PGPEP1: variants seen among roughly 807,000 people sequenced by gnomAD.
The protein encoded by PGPEP1 is pyroglutamyl-peptidase 1.
PGPEP1 carries 15 observed loss-of-function variants against 24.1 expected under a neutral mutation model. That is an observed-to-expected ratio of 0.62 (90% CI 0.42 to 0.96). The LOEUF is 0.96. Among genes scored for constraint, PGPEP1 ranks in the 40% least tolerant of loss-of-function variants. The probability of loss-of-function intolerance (pLI) is 0.00; values close to 1 mark genes in which losing one functional copy is unlikely to be tolerated. For synonymous variants in PGPEP1, 122 were observed against 116.4 expected (o/e 1.05, Z -0.31); for missense variants, 242 against 273.4 (o/e 0.89, Z 0.81).
At chr19:18,349,080 C>A in intron 2 of PGPEP1, 1 of 984,162 alleles carries the variant, frequency 1.0e-6, no homozygotes. Context: ...TGGGTCTTGG[C>A]AAACACACAC....
At position 18,364,095 on chromosome 19, in the gene PGPEP1, TCTTTCTTTCTTTCTTTCTTG is replaced by T. The variant is rs1038803091; in HGVS notation, c.*528_*547del. On this transcript the variant is annotated 3_prime_UTR_variant, in exon 5 of 5. Coordinates refer to ENST00000269919, the MANE Select transcript of PGPEP1 (RefSeq NM_017712.4). ...GGCTGGCTGGCTGGCTTTCTTTCTT[TCTTTCTTTCTTTCTTTCTTG>T]CTTTCTTTCTTTCTTGCTTTCTTTC... 7.7e-6 allele frequency: 1 copy of T among 129,554 alleles called. No homozygotes were observed. The highest frequency in any genetic ancestry group is 3.0e-5 in the African/African-American group (1 of 33,638). The allele number at this position is 129,554 out of a possible 1,614,324, so 8.0% of individuals were successfully genotyped here.
intron 2 of PGPEP1, among the ~76,000 whole-genome samples, chr19:18,351,604 A>G (rs1383982162): frequency 3.3e-5 from 5 of 150,208 alleles, no homozygotes; most frequent in African/African-American, 1.2e-4. Flanking sequence ...AGCCTGGGCA[A>G]CAAAAGCAAA....
At chr19:18,357,791 T>C (rs1330747190) in intron 4 of PGPEP1, 176 bp downstream of exon 4, 7 of 604,690 alleles carry the variant, frequency 1.2e-5, no homozygotes, top group Non-Finnish European at 2.1e-5. Flanking sequence ...CTCCTGGGAC[T>C]CATGGATCTG....
Position 18,363,593 on chromosome 19 carries a change from A to T in PGPEP1, c.*10A>T. The T allele has an allele frequency of 6.2e-7, 1 of 1,606,710 alleles. No homozygotes were observed. Among genetic ancestry groups the T allele is most frequent in the Non-Finnish European group, 8.5e-7 (1 of 1,175,502 alleles). ...TTGCCACAAACACTGAGGGACGCTC[A>T]GGTCTCCTAAGACCTCATCCTGCTG... On this transcript the variant is annotated 3_prime_UTR_variant, in exon 5 of 5. Coordinates refer to ENST00000269919, the MANE Select transcript of PGPEP1 (RefSeq NM_017712.4).
rs571972677 is a variant in PGPEP1, at chr19:18,367,835, G to C, written c.*4252G>C. On this transcript the variant is annotated 3_prime_UTR_variant, in exon 5 of 5. Coordinates refer to ENST00000269919, the MANE Select transcript of PGPEP1 (RefSeq NM_017712.4). ...ATGTCCCAGATGGCAGTAGTTTCTCGGCAAGGAGGGGAATCCTGGAGATGG... is the reference window on the plus strand; with the variant it reads ...ATGTCCCAGATGGCAGTAGTTTCTCCGCAAGGAGGGGAATCCTGGAGATGG... The C allele has an allele frequency of 6.6e-6, 1 of 152,132 alleles. No homozygotes were observed. The highest frequency in any genetic ancestry group is 2.4e-5 in the African/African-American group (1 of 41,410). The allele number at this position is 152,132 out of a possible 1,614,324, so 9.4% of individuals were successfully genotyped here.
chr19:18,341,802 T>C (rs1339708153), intron 1 of PGPEP1, among the ~76,000 whole-genome samples: 1 of 152,070 alleles, frequency 6.6e-6, no homozygotes, highest in African/African-American at 2.4e-5. Flanking sequence ...TACAGAAGGA[T>C]AGAGTTAGGA....
In PGPEP1 at chr19:18,363,760, G is replaced by C; in HGVS notation, c.*177G>C. Reference sequence around the variant, plus strand: ...TCTCTACAAAAGCTCCGGTTGATTCGAGGGAAGTGGTGAAAATTTTTTTTT... The same window carrying C: ...TCTCTACAAAAGCTCCGGTTGATTCCAGGGAAGTGGTGAAAATTTTTTTTT... On this transcript the variant is annotated 3_prime_UTR_variant, in exon 5 of 5. Transcript: ENST00000269919. The C allele has an allele frequency of 7.9e-6, 4 of 507,794 alleles. No individual in the cohort carries two copies. Among genetic ancestry groups the C allele is most frequent in the Non-Finnish European group, 1.4e-5 (4 of 292,182 alleles). The allele number at this position is 507,794 out of a possible 1,614,324, so 31.5% of individuals were successfully genotyped here.
At chr19:18,356,202 G>A (rs2144564030) in intron 3 of PGPEP1, among the ~76,000 whole-genome samples, 191 bp downstream of exon 3, 1 of 152,254 alleles carries the variant, frequency 6.6e-6, no homozygotes, top group South Asian at 2.1e-4. Flanking sequence ...GGAGGCCGAG[G>A]CAGGTGGATA....
At chr19:18,347,299 G>C (rs1195093410) in intron 2 of PGPEP1, among the ~76,000 whole-genome samples, 2 of 79,816 alleles carry the variant, frequency 2.5e-5, no homozygotes, top group Non-Finnish European at 5.2e-5. Context: ...GTAGAGATGG[G>C]ATTTGGCTAT....
chr19:18,356,029 G>C lies in PGPEP1; in HGVS notation c.204+18G>C, dbSNP rs554943043. ...GTCCACAGGTGAGTGGTGCCAAGGG[G>C]CGGCACTTCCTCATCAGGACTTACA... On this transcript the variant is annotated intron_variant, in intron 3 of 4. Coordinates refer to ENST00000269919, the MANE Select transcript of PGPEP1 (RefSeq NM_017712.4). 5.0e-5 allele frequency: 75 copies of C among 1,495,256 alleles called. No homozygotes were observed. The East Asian group carries it at 1.6e-3, about 32-fold the overall frequency. 92.6% of individuals were successfully genotyped at this position (1,495,256 alleles called of 1,614,324 possible). A position where few individuals can be genotyped will look rare whatever the true frequency, so the allele number is the denominator to read the frequency against.
chr19:18,352,165 C>T (rs990484098), intron 2 of PGPEP1, among the ~76,000 whole-genome samples: 7 of 146,116 alleles, frequency 4.8e-5, no homozygotes, highest in Admixed American at 2.8e-4. Flanking sequence ...CCAGCTACTC[C>T]GGAGGCTGAG....
chr19:18,350,967 A>G (rs1274727824), intron 2 of PGPEP1, among the ~76,000 whole-genome samples: 1 of 151,766 alleles, frequency 6.6e-6, no homozygotes, highest in Non-Finnish European at 1.5e-5. Context: ...AAGCAGCAGT[A>G]AATCTTTTTA....
At chr19:18,346,059 C>T (rs1301219178) in intron 2 of PGPEP1, among the ~76,000 whole-genome samples, 69 of 151,686 alleles carry the variant, frequency 4.5e-4, no homozygotes, top group Non-Finnish European at 8.8e-5. Context: ...TTCTCTGGTT[C>T]TTCCTCGCAT....
chr19:18,364,149 CTCTCT>C lies in PGPEP1; in HGVS notation c.*568_*572del, dbSNP rs1022220771. 7 of 44,466 alleles carry C rather than the reference CTCTCT, an allele frequency of 1.6e-4. No homozygotes were observed. Among genetic ancestry groups the C allele is most frequent in the African/African-American group, 9.4e-4 (6 of 6,386 alleles). 2.8% of individuals were successfully genotyped at this position (44,466 alleles called of 1,614,324 possible). ...CTTTCTTGCTTTCTTTCTTCTCTCT[CTCTCT>C]TTTTTTTTTTTTTTAAATAGTGCTA... On this transcript the variant is annotated 3_prime_UTR_variant, in exon 5 of 5. Transcript: ENST00000269919.
chr19:18,363,626 C>A lies in PGPEP1; in HGVS notation c.*43C>A. On this transcript the variant is annotated 3_prime_UTR_variant, in exon 5 of 5. Transcript: ENST00000269919. ...TAAGACCTCATCCTGCTGGGGACCC[C>A]ACGAGGGGACATCCACCCTCTGGGG... The A allele has an allele frequency of 6.8e-7, 1 of 1,471,524 alleles. No individual in the cohort carries two copies. Among genetic ancestry groups the A allele is most frequent in the Non-Finnish European group, 9.4e-7 (1 of 1,065,830 alleles). The allele number at this position is 1,471,524 out of a possible 1,614,324, so 91.2% of individuals were successfully genotyped here.
chr19:18,354,171 G>A (rs1971115256), intron 2 of PGPEP1, among the ~76,000 whole-genome samples: 1 of 151,990 alleles, frequency 6.6e-6, no homozygotes, highest in African/African-American at 2.4e-5. Context: ...GGAGGCAGAG[G>A]TTGCAGTGAA....
intron 2 of PGPEP1, among the ~76,000 whole-genome samples, chr19:18,344,904 G>A (rs984381994): frequency 6.6e-6 from 1 of 152,140 alleles, no homozygotes; most frequent in East Asian, 1.9e-4. Context: ...GGGGCTTCTC[G>A]GATGGTGAAG....
intron 2 of PGPEP1, among the ~76,000 whole-genome samples, chr19:18,351,256 C>T (rs1292143797): frequency 1.3e-5 from 2 of 150,760 alleles, no homozygotes; most frequent in East Asian, 3.9e-4. Flanking sequence ...CAGAATGAGA[C>T]TCCATCTCAA....
rs912691513 is a variant in PGPEP1 at position 18,368,420 on chromosome 19, C to T, written c.*4837C>T. On this transcript the variant is annotated 3_prime_UTR_variant, in exon 5 of 5. Coordinates refer to ENST00000269919, the MANE Select transcript of PGPEP1 (RefSeq NM_017712.4). ...CGCCACTGCATTCCAGACTGGGCAA[C>T]ATAGCAAGACTCTGTCACAAAAAAA... The T allele has an allele frequency of 2.1e-5, 3 of 140,066 alleles. No homozygotes were observed. Among genetic ancestry groups the T allele is most frequent in the Non-Finnish European group, 3.0e-5 (2 of 65,700 alleles). The allele number at this position is 140,066 out of a possible 1,614,324, so 8.7% of individuals were successfully genotyped here.
Sources: gnomAD v4.1 joint callset for allele counts (sites outside exome capture counted in the v4.1 genomes callset) on GRCh38, gnomAD v4.1.1 for gene constraint, MANE v1.5 for transcripts, NCBI Gene and HGNC (gene_info 2026-07-23, HGNC 2026-07-21) for gene names.